Variants in PTPRN2 observed in about 807,000 individuals in gnomAD.
PTPRN2 encodes the protein receptor-type tyrosine-protein phosphatase N2.
Under a neutral mutation model 118.8 loss-of-function variants are expected in PTPRN2, and 74 were observed. The ratio of observed to expected loss-of-function variants is 0.62; its 90% CI spans 0.52 to 0.76. The LOEUF (loss-of-function observed/expected upper bound fraction) is 0.76, where lower values mean the gene tolerates loss of function less well. PTPRN2 is among the 30% of genes least tolerant of loss of function. PTPRN2 has a pLI of 0.00. For synonymous variants in PTPRN2, 641 were observed against 608.0 expected, an observed-to-expected ratio of 1.05 and a Z score of -0.80; for missense variants, 1,481 against 1,394.4, an observed-to-expected ratio of 1.06 and a Z score of -0.99.
At chr7:158,336,339 ACGT>A (rs1805522134) in intron 2 of PTPRN2, among the ~76,000 whole-genome samples, 1 of 147,316 alleles carries the variant, frequency 6.8e-6, no homozygotes, top group Non-Finnish European at 1.5e-5. Context: ...ACACCTGCAG[ACGT>A]CACTCACACC....
chr7:158,078,852 C>G (rs12698135), intron 11 of PTPRN2, among the ~76,000 whole-genome samples: 24,183 of 151,972 alleles, frequency 0.16, 2,559 homozygotes, highest in Middle Eastern at 0.3. Context: ...TTTTTTGTTT[C>G]TTTGTTTGTT....
At chr7:157,582,751 G>A (rs942267161) in intron 17 of PTPRN2, among the ~76,000 whole-genome samples, 10 of 151,762 alleles carry the variant, frequency 6.6e-5, no homozygotes, top group African/African-American at 2.4e-4. Context: ...GCATGCACCT[G>A]TAATCCCAGC....
At chr7:158,228,085 G>A (rs1252700726) in intron 3 of PTPRN2, among the ~76,000 whole-genome samples, 1 of 152,160 alleles carries the variant, frequency 6.6e-6, no homozygotes, top group Non-Finnish European at 1.5e-5. Flanking sequence ...TAGCATTGTT[G>A]GTGATATTTT....
At chr7:157,661,919 A>G (rs968129556) in intron 13 of PTPRN2, among the ~76,000 whole-genome samples, 6 of 152,340 alleles carry the variant, frequency 3.9e-5, no homozygotes, top group Middle Eastern at 3.4e-3. Flanking sequence ...CTGCCCTGAG[A>G]CAGAGGCAAC....
chr7:157,918,060 C>G (rs112734589), intron 11 of PTPRN2, among the ~76,000 whole-genome samples: 1 of 152,272 alleles, frequency 6.6e-6, no homozygotes, highest in Non-Finnish European at 1.5e-5. Context: ...CTAAAAGATT[C>G]TTCCTGGACG....
At position 158,187,681 on chromosome 7, in the gene PTPRN2, C is replaced by T. The variant is rs1336164348; in HGVS notation, c.549+4646G>A. 2.0e-5 allele frequency among the ~76,000 whole-genome samples: 3 copies of T among 152,126 alleles called. No individual in the cohort carries two copies. In the East Asian group the frequency reaches 5.8e-4, roughly 29 times the overall value. On this transcript the variant is annotated intron_variant, in intron 5 of 22. Coordinates refer to ENST00000389418, the MANE Select transcript of PTPRN2 (RefSeq NM_002847.5). ...CTATCTTAACAAAGAAGAAAAATAC[C>T]TAAGCCAAAATGCCACCAAGTGCTC...
In PTPRN2 at chr7:157,656,456, G is replaced by C. The variant is rs1035883740; in HGVS notation, c.2097C>G (p.Asp699Glu). The change falls in exon 14 of 23, where the codon GAC becomes GAG. Residue 699 changes from aspartate to glutamate, a missense_variant. By Grantham distance (45) the Asp-to-Glu change is conservative (BLOSUM62 2). Coordinates refer to ENST00000389418, the MANE Select transcript of PTPRN2 (RefSeq NM_002847.5). ...GTGCGGAGGGGCTGGGGATCGGCCC[G>C]TCGCTGAACTGGGATGAGACGCTGC... ...RISSVSSQFS[D>E]GPIPSPSARS... The C allele has an allele frequency of 6.4e-7, 1 of 1,554,158 alleles. No individual in the cohort carries two copies. The highest frequency in any genetic ancestry group is 1.2e-5 in the South Asian group (1 of 84,500).
At chr7:157,553,053 G>A (rs4716757) in intron 21 of PTPRN2, among the ~76,000 whole-genome samples, 65,540 of 152,020 alleles carry the variant, frequency 0.43, 14,562 homozygotes, top group Middle Eastern at 0.55. Flanking sequence ...CGGCTTCTAC[G>A]GGGACCCCTC....
rs140996486 is a variant in PTPRN2, at chr7:158,136,679, G to A, written c.1149C>T (p.Asp383=). The part of the protein sequence containing the change: ...GDSFPDDGVQ[D]DDDRLYQEVH... ...CCTCTTGGTAAAGTCTATCATCGTCGTCCTGCACTCCGTCATCTGTAAAAG... is the reference window on the plus strand; with the variant it reads ...CCTCTTGGTAAAGTCTATCATCGTCATCCTGCACTCCGTCATCTGTAAAAG... Residue 383 remains aspartate, a synonymous_variant, in exon 8 of 23, where the codon GAC becomes GAT. Coordinates refer to ENST00000389418, the MANE Select transcript of PTPRN2 (RefSeq NM_002847.5). The A allele has an allele frequency of 1.8e-3, 2,965 of 1,613,632 alleles. 91 individuals carry two copies. The Admixed American group carries it at 0.045, about 24-fold the overall frequency.
chr7:158,490,606 A>G lies in PTPRN2; in HGVS notation c.113-821T>C, dbSNP rs533842963. ...GAGCGGCTCCCGCGAGGGCGTGAGC[A>G]CCCTGGACACCAGAACCGGGAGGGC... On this transcript the variant is annotated intron_variant, in intron 1 of 22. Coordinates refer to ENST00000389418, the MANE Select transcript of PTPRN2 (RefSeq NM_002847.5). 4.6e-5 allele frequency among the ~76,000 whole-genome samples: 7 copies of G among 152,336 alleles called. No individual in the cohort carries two copies. In the East Asian group the frequency reaches 1.2e-3, roughly 25 times the overall value.
chr7:158,341,349 TAA>T (rs1279053363), intron 2 of PTPRN2, among the ~76,000 whole-genome samples: 2 of 147,160 alleles, frequency 1.4e-5, no homozygotes, highest in Non-Finnish European at 3.0e-5. Context: ...ACTCTCACCA[TAA>T]GAGGTAACAC....
intron 2 of PTPRN2, among the ~76,000 whole-genome samples, chr7:158,431,668 T>C (rs545580566): frequency 8.8e-6 from 1 of 114,234 alleles, no homozygotes; most frequent in South Asian, 2.9e-4. Flanking sequence ...ACACACTGGC[T>C]CACACTGGGC....
rs902288238 is a variant in PTPRN2, at chr7:158,022,557, C to T, written c.1723+58741G>A. Among the ~76,000 whole-genome samples the T allele has an allele frequency of 1.6e-4, 24 of 149,154 alleles. No individual in the cohort carries two copies. Among genetic ancestry groups the T allele is most frequent in the African/African-American group, 5.4e-4 (22 of 40,564 alleles). On this transcript the variant is annotated intron_variant, in intron 11 of 22. Coordinates refer to ENST00000389418, the MANE Select transcript of PTPRN2 (RefSeq NM_002847.5). This position sits in a 1 kb window ranked among gnomAD's most constrained non-coding sequence, Gnocchi z 4.6. ...CGTAATGTGTTCATAGCCAAGGCCC[C>T]GGCACCCGGGCACTCTGTCTGGGGC...
At chr7:158,252,840 A>AC (rs1417232497) in intron 3 of PTPRN2, among the ~76,000 whole-genome samples, 1 of 149,824 alleles carries the variant, frequency 6.7e-6, no homozygotes, top group East Asian at 2.0e-4. Flanking sequence ...AGCCACCCCC[A>AC]CCACCCCCGA....
At chr7:158,326,712 G>A (rs2151131536) in intron 2 of PTPRN2, among the ~76,000 whole-genome samples, 1 of 135,684 alleles carries the variant, frequency 7.4e-6, no homozygotes, top group African/African-American at 2.9e-5. Context: ...CCTCACACAT[G>A]CTCTCACATG....
At chr7:157,667,901 C>T (rs1796222635) in intron 13 of PTPRN2, among the ~76,000 whole-genome samples, 1 of 152,226 alleles carries the variant, frequency 6.6e-6, no homozygotes, top group Non-Finnish European at 1.5e-5. Context: ...GAGTGTGAGC[C>T]CAGTGGCACT....
intron 11 of PTPRN2, among the ~76,000 whole-genome samples, chr7:158,067,558 C>T (rs1156738996): frequency 1.3e-5 from 2 of 152,202 alleles, no homozygotes; most frequent in Non-Finnish European, 2.9e-5. Flanking sequence ...GCCCCGTTTG[C>T]AGAACTGCTG....
At chr7:158,556,586 G>A (rs9691084) in intron 1 of PTPRN2, among the ~76,000 whole-genome samples, 7,500 of 152,044 alleles carry the variant, frequency 0.049, 594 homozygotes, top group African/African-American at 0.17. Flanking sequence ...AGAAAGATAA[G>A]TTATATAAAT....
In PTPRN2 at chr7:158,140,865, C is replaced by T. The variant is rs1385472623; in HGVS notation, c.911-2350G>A. On this transcript the variant is annotated intron_variant, in intron 6 of 22. Transcript: ENST00000389418. The stretch of plus-strand genomic sequence containing the variant: ...TAAAGAAGGTTCATGGGCCCATTTC[C>T]GAGCTTTGAAGGAAAACCTGACTTT... Among the ~76,000 whole-genome samples the T allele has an allele frequency of 2.6e-5, 4 of 152,202 alleles. 1 individual carries two copies. Among genetic ancestry groups the T allele is most frequent in the African/African-American group, 7.2e-5 (3 of 41,446 alleles).
Sources: gnomAD v4.1 joint callset for allele counts (sites outside exome capture counted in the v4.1 genomes callset) on GRCh38, gnomAD v4.1.1 for gene constraint, Gnocchi (gnomAD v3.1) non-coding constraint, MANE v1.5 for transcripts, NCBI Gene and HGNC (gene_info 2026-07-23, HGNC 2026-07-21) for gene names.